The following ZNF76 variants were observed in gnomAD, a reference collection of about 807,000 sequenced individuals.
ZNF76 encodes zinc finger protein 523.
A neutral mutation model predicts 66.9 loss-of-function variants in ZNF76; 66 were observed. The ratio of observed to expected loss-of-function variants is 0.99; its 90% CI spans 0.81 to 1.21. The LOEUF (loss-of-function observed/expected upper bound fraction) is 1.21. Among genes scored for constraint, ZNF76 ranks in the 50% most tolerant of loss-of-function variants. The probability of loss-of-function intolerance (pLI) is 0.00; values close to 1 mark genes in which losing one functional copy is unlikely to be tolerated. For synonymous variants in ZNF76, 275 were observed against 296.1 expected, an observed-to-expected ratio of 0.93 and a Z score of 0.73; for missense variants, 729 against 760.3, an observed-to-expected ratio of 0.96 and a Z score of 0.48.
intron 2 of ZNF76, among the ~76,000 whole-genome samples, chr6:35,282,538 C>T (rs1376930459): frequency 6.6e-6 from 1 of 152,068 alleles, no homozygotes; most frequent in Non-Finnish European, 1.5e-5. Context: ...CCTTTCTTGC[C>T]AGTGTTCTCA....
At chr6:35,282,522 A>G (rs1241725486) in intron 2 of ZNF76, among the ~76,000 whole-genome samples, 1 of 152,184 alleles carries the variant, frequency 6.6e-6, no homozygotes, top group African/African-American at 2.4e-5. Flanking sequence ...GGCCAGGGAC[A>G]CTTTTCCTTT....
chr6:35,265,527 A>G (rs1163904379), intron 1 of ZNF76, among the ~76,000 whole-genome samples: 2 of 127,732 alleles, frequency 1.6e-5, no homozygotes. Context: ...AAAAAAGAAG[A>G]AGAAGAAGAA....
chr6:35,295,070 C>T, intron 13 of ZNF76, 74 bp from the exon 14 acceptor site: 1 of 1,217,204 alleles, frequency 8.2e-7, no homozygotes, highest in South Asian at 1.4e-5. Flanking sequence ...AAAAGTAGGC[C>T]ACATATTACT....
intron 2 of ZNF76, among the ~76,000 whole-genome samples, chr6:35,284,437 C>A (rs1474662205): frequency 1.4e-5 from 2 of 144,286 alleles, no homozygotes; most frequent in African/African-American, 5.2e-5. Context: ...CTCACTCTGT[C>A]ACCCAGGCTA....
intron 13 of ZNF76, chr6:35,294,800 A>G (rs1790947183): frequency 3.4e-6 from 2 of 589,964 alleles, no homozygotes; most frequent in Middle Eastern, 9.2e-4. Flanking sequence ...ATGGCAGTCC[A>G]CCTGTGGTCC....
At chr6:35,262,153 G>T (rs1785347410) in intron 1 of ZNF76, among the ~76,000 whole-genome samples, 1 of 151,956 alleles carries the variant, frequency 6.6e-6, no homozygotes, top group South Asian at 2.1e-4. Flanking sequence ...TAATAAACTG[G>T]GAGAAACTTA....
chr6:35,262,708 A>T (rs979822043), intron 1 of ZNF76, among the ~76,000 whole-genome samples: 6 of 152,100 alleles, frequency 3.9e-5, no homozygotes, highest in African/African-American at 1.4e-4. Flanking sequence ...TGAAACCTTC[A>T]TATAATTTGT....
At chr6:35,291,530 C>G in intron 8 of ZNF76, 28 bp from the exon 9 acceptor site, 2 of 1,607,936 alleles carry the variant, frequency 1.2e-6, no homozygotes, top group Non-Finnish European at 1.7e-6. Context: ...TTTCCCACAC[C>G]CCTCCTCACA....
chr6:35,279,189 G>C (rs1234560512), intron 1 of ZNF76: 1 of 164,524 alleles, frequency 6.1e-6, no homozygotes, highest in Non-Finnish European at 1.5e-5. Context: ...AAGTCCTTGA[G>C]GGGCACAGCG....
chr6:35,280,965 G>T, intron 1 of ZNF76, 91 bp from the exon 2 acceptor site: 4 of 612,036 alleles, frequency 6.5e-6, no homozygotes, highest in East Asian at 2.7e-5. Flanking sequence ...TTTTCTTCTT[G>T]GCTGGCTGGC....
chr6:35,287,872 T>C lies in ZNF76; in HGVS notation c.432+27T>C. 1 of 1,560,188 alleles carries C rather than the reference T, an allele frequency of 6.4e-7. No homozygotes were observed. Among genetic ancestry groups the C allele is most frequent in the Non-Finnish European group, 8.7e-7 (1 of 1,152,406 alleles). ...TGAGCACGCACAGCGTGACACGGTC[T>C]GTCACTCTAGACAACCGGGCCTGGC... On this transcript the variant is annotated intron_variant, in intron 5 of 13. Coordinates refer to ENST00000373953, the MANE Select transcript of ZNF76 (RefSeq NM_003427.5). This position sits in a 1 kb window ranked among gnomAD's most constrained non-coding sequence, Gnocchi z 4.0.
Position 35,295,594 on chromosome 6 carries a change from T to C in ZNF76, c.*346T>C, listed in dbSNP as rs895991407. The C allele has an allele frequency of 3.9e-5, 14 of 357,218 alleles. No homozygotes were observed. Among genetic ancestry groups the C allele is most frequent in the Non-Finnish European group, 7.7e-5 (14 of 180,986 alleles). The allele number at this position is 357,218 out of a possible 1,614,324, so 22.1% of individuals were successfully genotyped here. A position where few individuals can be genotyped will look rare whatever the true frequency, so the allele number is the denominator to read the frequency against. On this transcript the variant is annotated 3_prime_UTR_variant, in exon 14 of 14. Coordinates refer to ENST00000373953, the MANE Select transcript of ZNF76 (RefSeq NM_003427.5). The stretch of plus-strand genomic sequence containing the variant: ...CTTCTCAGGTAGAGATTGGGGCTGC[T>C]ATGGGGACTGGCCCTGTAGGGTTGA...
At chr6:35,278,211 C>G (rs1788210421) in intron 1 of ZNF76, among the ~76,000 whole-genome samples, 1 of 152,068 alleles carries the variant, frequency 6.6e-6, no homozygotes, top group African/African-American at 2.4e-5. Flanking sequence ...TGTTGTTGCC[C>G]AGGCTGGAGT....
chr6:35,265,478 G>A (rs1785869098), intron 1 of ZNF76, among the ~76,000 whole-genome samples: 1 of 149,802 alleles, frequency 6.7e-6, no homozygotes, highest in Non-Finnish European at 1.5e-5. Context: ...CTGCACTCCA[G>A]CCTGGGCGAC....
In ZNF76 at chr6:35,291,649, C is replaced by T. The variant is rs760449682; in HGVS notation, c.843C>T (p.Gly281=). The T allele has an allele frequency of 5.6e-6, 9 of 1,613,870 alleles. No homozygotes were observed. The highest frequency in any genetic ancestry group is 7.6e-6 in the Non-Finnish European group (9 of 1,179,944). The part of the protein sequence containing the change: ...IRKVHVRTHT[G]ERPYTCPEPH... Reference sequence around the variant, plus strand: ...AGGTACATGTGCGCACCCACACAGGCGAGAGGCCCTACACCTGCCCGGAGC... The same window carrying T: ...AGGTACATGTGCGCACCCACACAGGTGAGAGGCCCTACACCTGCCCGGAGC... The change falls in exon 9 of 14, where the codon GGC becomes GGT. Residue 281 remains glycine, a synonymous_variant. Transcript: ENST00000373953.
At chr6:35,268,146 A>T (rs993289016) in intron 1 of ZNF76, among the ~76,000 whole-genome samples, 3 of 152,232 alleles carry the variant, frequency 2.0e-5, no homozygotes, top group African/African-American at 7.2e-5. Context: ...GGTGCTAATT[A>T]GGCTGAAAGG....
chr6:35,272,628 A>T (rs1470186788), intron 1 of ZNF76, among the ~76,000 whole-genome samples: 2 of 152,166 alleles, frequency 1.3e-5, no homozygotes, highest in African/African-American at 4.8e-5. Context: ...ATTAGAAAAG[A>T]AGTAGATTGA....
Position 35,293,912 on chromosome 6 carries a change from G to T in ZNF76, c.1491G>T (p.Gln497His). 3.1e-6 allele frequency: 5 copies of T among 1,613,960 alleles called. No homozygotes were observed. The highest frequency in any genetic ancestry group is 4.2e-6 in the Non-Finnish European group (5 of 1,179,982). The change falls in exon 12 of 14, where the codon CAG (glutamine) becomes CAT (histidine). Residue 497 changes from glutamine (Q) to histidine (H), a missense_variant. By Grantham distance (24) the Gln-to-His change is conservative. Coordinates refer to ENST00000373953, the MANE Select transcript of ZNF76 (RefSeq NM_003427.5). ...TCAGCGCCGATGGCACCCAGACGCAGCCCGTATGACCAGGCGGTTTGCTTG... is the reference window on the plus strand; with the variant it reads ...TCAGCGCCGATGGCACCCAGACGCATCCCGTATGACCAGGCGGTTTGCTTG... ...TMVSADGTQT[Q>H]PVTIITSGAV... is the part of the protein sequence containing the mutation.
At position 35,292,879 on chromosome 6, in the gene ZNF76, A is replaced by G. The variant is rs753291979; in HGVS notation, c.1166-2A>G. The stretch of plus-strand genomic sequence containing the variant: ...ATGTCAGCCTTGGCTCTCCTCTCCC[A>G]GCCGCCTCTGCAGCCGAGGAGAGTC... On this transcript the variant is annotated splice_acceptor_variant, in intron 10 of 13. Transcript: ENST00000373953. LOFTEE classifies it high-confidence loss of function. The surrounding 1 kb of genome is among the most constrained non-coding windows in gnomAD (Gnocchi z 4.7). 5.6e-6 allele frequency: 9 copies of G among 1,614,122 alleles called. No homozygotes were observed. Among genetic ancestry groups the G allele is most frequent in the Non-Finnish European group, 6.8e-6 (8 of 1,180,022 alleles).
Sources: gnomAD v4.1 joint callset for allele counts (sites outside exome capture counted in the v4.1 genomes callset) on GRCh38, gnomAD v4.1.1 for gene constraint, Gnocchi (gnomAD v3.1) non-coding constraint, MANE v1.5 for transcripts, NCBI Gene and HGNC (gene_info 2026-07-23, HGNC 2026-07-21) for gene names.